Variants in PXMP4 observed in about 807,000 individuals in gnomAD.
PXMP4 encodes peroxisomal membrane protein 4.
Under a neutral mutation model 21.6 loss-of-function variants are expected in PXMP4, and 16 were observed. The observed-to-expected ratio is 0.74, with a 90% CI of 0.50 to 1.13. The LOEUF (loss-of-function observed/expected upper bound fraction) is 1.13. Among genes scored for constraint, PXMP4 ranks in the 50% most tolerant of loss-of-function variants. The pLI, the probability that PXMP4 is intolerant of heterozygous loss-of-function variation, is 0.00. For synonymous variants in PXMP4, 127 were observed against 123.8 expected, an observed-to-expected ratio of 1.03 and a Z score of -0.17; for missense variants, 240 against 277.7, an observed-to-expected ratio of 0.86 and a Z score of 0.96.
rs2018271454 is a variant in PXMP4, at chr20:33,707,596, G to A, written c.*110C>T. On this transcript the variant is annotated 3_prime_UTR_variant, in exon 4 of 4. Coordinates refer to ENST00000409299, the MANE Select transcript of PXMP4 (RefSeq NM_007238.5). ...TTTTACTTCAGCAAACGGAACCCTG[G>A]GATAACACCAGTTGGAGTCTGAGGC... The A allele has an allele frequency of 7.0e-7, 1 of 1,430,434 alleles. No homozygotes were observed. The highest frequency in any genetic ancestry group is 9.5e-7 in the Non-Finnish European group (1 of 1,054,714). The allele number at this position is 1,430,434 out of a possible 1,614,324, so 88.6% of individuals were successfully genotyped here. A position where few individuals can be genotyped will look rare whatever the true frequency, so the allele number is the denominator to read the frequency against.
At position 33,704,946 on chromosome 20, in the gene PXMP4, G is replaced by A. The variant is rs1373270989; in HGVS notation, c.*2760C>T. The A allele has an allele frequency of 1.3e-5, 2 of 151,506 alleles. No homozygotes were observed. Among genetic ancestry groups the A allele is most frequent in the African/African-American group, 4.9e-5 (2 of 41,174 alleles). 9.4% of individuals were successfully genotyped at this position (151,506 alleles called of 1,614,324 possible). ...CAATGGTCTCAAATTGGTAGCCCAT[G>A]GACCAGATTTTCCTGGAGACTTGTT... On this transcript the variant is annotated 3_prime_UTR_variant, in exon 4 of 4. Coordinates refer to ENST00000409299, the MANE Select transcript of PXMP4 (RefSeq NM_007238.5).
In PXMP4 at chr20:33,707,512, C is replaced by A; in HGVS notation, c.*194G>T. The A allele has an allele frequency of 1.3e-6, 1 of 782,926 alleles. No individual in the cohort carries two copies. Among genetic ancestry groups the A allele is most frequent in the Non-Finnish European group, 1.9e-6 (1 of 512,946 alleles). 48.5% of individuals were successfully genotyped at this position (782,926 alleles called of 1,614,324 possible). A position where few individuals can be genotyped will look rare whatever the true frequency, so the allele number is the denominator to read the frequency against. On this transcript the variant is annotated 3_prime_UTR_variant, in exon 4 of 4. Transcript: ENST00000409299. ...GGAACCAAGCCGTAGATTCCTCAGCCTGATTCGGCCACTTGTGCCACCATA... is the reference window on the plus strand; with the variant it reads ...GGAACCAAGCCGTAGATTCCTCAGCATGATTCGGCCACTTGTGCCACCATA...
Position 33,707,299 on chromosome 20 carries a change from A to T in PXMP4, c.*407T>A. The T allele has an allele frequency of 5.9e-6, 1 of 169,034 alleles. No individual in the cohort carries two copies. Among genetic ancestry groups the T allele is most frequent in the Non-Finnish European group, 1.3e-5 (1 of 78,082 alleles). 10.5% of individuals were successfully genotyped at this position (169,034 alleles called of 1,614,324 possible). On this transcript the variant is annotated 3_prime_UTR_variant, in exon 4 of 4. Transcript: ENST00000409299. Reference sequence around the variant, plus strand: ...GAACAGCATCTGAGATAAGGAACTTAGTGTTTTTTAAAAAGTATTTACAAC... The same window carrying T: ...GAACAGCATCTGAGATAAGGAACTTTGTGTTTTTTAAAAAGTATTTACAAC...
chr20:33,720,265 G>GT lies in PXMP4; in HGVS notation c.-59dup. ...ACTGTAAGCGCACTGACAGCCGGAG[G>GT]TTCCAGCTGCGCGCCCACAGCCCCT... On this transcript the variant is annotated 5_prime_UTR_variant, in exon 1 of 4. Coordinates refer to ENST00000409299, the MANE Select transcript of PXMP4 (RefSeq NM_007238.5). 1 of 1,480,292 alleles carries GT rather than the reference G, an allele frequency of 6.8e-7. No individual in the cohort carries two copies. The highest frequency in any genetic ancestry group is 9.2e-7 in the Non-Finnish European group (1 of 1,083,404). 91.7% of individuals were successfully genotyped at this position (1,480,292 alleles called of 1,614,324 possible).
At chr20:33,717,658 AT>A (rs1450490642) in intron 1 of PXMP4, among the ~76,000 whole-genome samples, 11 of 137,554 alleles carry the variant, frequency 8.0e-5, no homozygotes, top group African/African-American at 2.6e-4. Flanking sequence ...AAAAAAAAAA[AT>A]TATTAAATAT....
rs2018251887 is a variant in PXMP4, at chr20:33,705,854, T to C, written c.*1852A>G. On this transcript the variant is annotated 3_prime_UTR_variant, in exon 4 of 4. Transcript: ENST00000409299. Reference sequence around the variant, plus strand: ...AGACGAATCTGAGTTCAAATCTTGATTCGGCTGTTATACTAGCTGTATTAC... The same window carrying C: ...AGACGAATCTGAGTTCAAATCTTGACTCGGCTGTTATACTAGCTGTATTAC... 6.6e-6 allele frequency: 1 copy of C among 152,234 alleles called. No individual in the cohort carries two copies. The highest frequency in any genetic ancestry group is 1.5e-5 in the Non-Finnish European group (1 of 68,040). 9.4% of individuals were successfully genotyped at this position (152,234 alleles called of 1,614,324 possible).
At chr20:33,709,521 G>A (rs2018298997) in intron 3 of PXMP4, among the ~76,000 whole-genome samples, 1 of 152,008 alleles carries the variant, frequency 6.6e-6, no homozygotes, top group Non-Finnish European at 1.5e-5. Flanking sequence ...GCCCCAGAGA[G>A]CAGCACATGC....
intron 2 of PXMP4, among the ~76,000 whole-genome samples, chr20:33,712,756 G>A (rs1290023608): frequency 3.3e-5 from 5 of 152,184 alleles, no homozygotes; most frequent in Non-Finnish European, 7.3e-5. Context: ...TCAGCCTCCC[G>A]AGTAGCTGGG....
intron 2 of PXMP4, 159 bp from the exon 3 acceptor site, chr20:33,710,912 T>G: frequency 1.5e-6 from 1 of 685,588 alleles, no homozygotes; most frequent in Non-Finnish European, 2.4e-6. Context: ...ATTCAGGCCT[T>G]GACTCAGTGC....
At chr20:33,719,989 G>A (rs2018430357) in intron 1 of PXMP4, 106 bp downstream of exon 1, 14 of 1,081,834 alleles carry the variant, frequency 1.3e-5, no homozygotes, top group Non-Finnish European at 1.8e-5. Context: ...GACACACGAG[G>A]ACTGCTCCAG....
rs371828150 is a variant in PXMP4 at position 33,714,745 on chromosome 20, A to G, written c.114-9T>C. The G allele has an allele frequency of 3.1e-6, 5 of 1,612,894 alleles. No individual in the cohort carries two copies. The African/African-American group carries it at 6.7e-5, about 22-fold the overall frequency. On this transcript the variant is annotated splice_polypyrimidine_tract_variant and intron_variant, in intron 1 of 3. Transcript: ENST00000409299. ...GGATTTTGGCTCCATAGCTGTAGAA[A>G]CAGAAGAAAACAGTTACTATAATGT...
At position 33,720,174 on chromosome 20, in the gene PXMP4, C is replaced by G. The variant is rs759901026; in HGVS notation, c.34G>C (p.Val12Leu). 3.7e-6 allele frequency: 6 copies of G among 1,613,178 alleles called. No homozygotes were observed. In the African/African-American group the frequency reaches 5.3e-5, roughly 14 times the overall value. ...AAPPQLRALLVVVNALLRKRR... is the reference protein window; with the variant it reads ...AAPPQLRALLLVVNALLRKRR... ...TTGCGCAGCAGTGCGTTGACGACTA[C>G]GAGCAGAGCCCTTAGCTGCGGCGGG... Residue 12 changes from valine to leucine, a missense_variant, in exon 1 of 4, where the codon GTA (valine) becomes CTA (leucine). By Grantham distance (32) the Val-to-Leu change is conservative. Coordinates refer to ENST00000409299, the MANE Select transcript of PXMP4 (RefSeq NM_007238.5).
chr20:33,708,044 T>G, intron 3 of PXMP4, 75 bp from the exon 4 acceptor site: 1 of 1,480,896 alleles, frequency 6.8e-7, no homozygotes, highest in Non-Finnish European at 9.1e-7. Flanking sequence ...ATTAATAATT[T>G]GTTTCATTTC....
Position 33,710,888 on chromosome 20 carries a change from T to C in PXMP4, c.177-135A>G, listed in dbSNP as rs1429264360. The C allele has an allele frequency of 7.1e-6, 6 of 849,786 alleles. No individual in the cohort carries two copies. In the South Asian group the frequency reaches 9.3e-5, roughly 13 times the overall value. The allele number at this position is 849,786 out of a possible 1,614,324, so 52.6% of individuals were successfully genotyped here. ...TTCAGTCACCGGCCTCTACCCTTCA[T>C]GTTCTCTCCCTTGATTCAGGCCTTG... is the stretch of plus-strand genomic sequence containing the variant. On this transcript the variant is annotated intron_variant, in intron 2 of 3. Transcript: ENST00000409299.
chr20:33,710,639 G>C lies in PXMP4; in HGVS notation c.291C>G (p.Gly97=), dbSNP rs1165466075. ...GGAATGCGTGTGCTGGGTAGGTCTT[G>C]CCTTGTATGTAGGACTGCAGGGCAC... The part of the protein sequence containing the change: ...GLRALQSYIQ[G]KTYPAHAFLA... Residue 97 remains glycine, a synonymous_variant, in exon 3 of 4, where the codon GGC becomes GGG. Transcript: ENST00000409299. 1.7e-5 allele frequency: 27 copies of C among 1,614,036 alleles called. No homozygotes were observed. Among genetic ancestry groups the C allele is most frequent in the Non-Finnish European group, 2.1e-5 (25 of 1,179,990 alleles).
At chr20:33,718,668 A>T (rs2018412351) in intron 1 of PXMP4, among the ~76,000 whole-genome samples, 1 of 152,098 alleles carries the variant, frequency 6.6e-6, no homozygotes, top group South Asian at 2.1e-4. Context: ...CACTGGTGCC[A>T]GGCATCCTTG....
At chr20:33,708,255 CG>C (rs143770743) in intron 3 of PXMP4, among the ~76,000 whole-genome samples, 3,524 of 150,730 alleles carry the variant, frequency 0.023, 126 homozygotes, top group African/African-American at 0.081. Flanking sequence ...TACTGGATCT[CG>C]GCTCACTGCA....
intron 2 of PXMP4, 167 bp from the exon 3 acceptor site, chr20:33,710,920 T>C (rs767477034): frequency 5.8e-4 from 377 of 648,202 alleles, no homozygotes; most frequent in Middle Eastern, 1.7e-3. Context: ...CTTGACTCAG[T>C]GCCACCTCCC....
At chr20:33,714,281 C>T (rs2018361142) in intron 2 of PXMP4, among the ~76,000 whole-genome samples, 1 of 152,102 alleles carries the variant, frequency 6.6e-6, no homozygotes, top group Non-Finnish European at 1.5e-5. Context: ...CACCTGTAAT[C>T]TCAGCACTGT....
Sources: allele counts gnomAD v4.1 joint callset (sites outside exome capture counted in the v4.1 genomes callset), GRCh38; gene constraint gnomAD v4.1.1; transcripts MANE v1.5; gene names NCBI Gene and HGNC (gene_info 2026-07-23, HGNC 2026-07-21).